Variants in CDCP1 observed in about 807,000 individuals in gnomAD.
CDCP1 encodes CUB domain-containing protein 1.
Under a neutral mutation model 60.2 loss-of-function variants are expected in CDCP1, and 29 were observed. The ratio of observed to expected loss-of-function variants is 0.48; its 90% CI spans 0.36 to 0.66. The LOEUF is 0.66. Ranked by LOEUF, CDCP1 falls within the 30% of genes least tolerant of loss-of-function variation. CDCP1 has a pLI of 0.00. For missense variants in CDCP1, 876 were observed against 1,074.3 expected (o/e 0.82, Z 2.58); for synonymous variants, 387 against 431.1 (o/e 0.90, Z 1.27).
rs370402641 is a variant in CDCP1 at position 45,118,582 on chromosome 3, G to A, written c.122C>T (p.Thr41Ile). ...EIALPRESNI[T>I]VLIKLGTPTL... ...CGGGGTCCCCAGCTTTATGAGAACT[G>A]TAATGTTGCTTTCTCGTGGCAGAGC... Residue 41 changes from threonine (T) to isoleucine (I), a missense_variant, in exon 2 of 9, where the codon ACA becomes ATA. This residue lies in a region of CDCP1 where 150 missense variants were observed against 138.6 expected (regional missense o/e 1.08). Coordinates refer to ENST00000296129, the MANE Select transcript of CDCP1 (RefSeq NM_022842.5). The A allele has an allele frequency of 2.5e-6, 4 of 1,613,932 alleles. No homozygotes were observed. Among genetic ancestry groups the A allele is most frequent in the Non-Finnish European group, 3.4e-6 (4 of 1,180,034 alleles).
chr3:45,091,140 A>T lies in CDCP1; in HGVS notation c.1993+33T>A, dbSNP rs778770674. The T allele has an allele frequency of 5.7e-6, 9 of 1,578,516 alleles. No individual in the cohort carries two copies. The highest frequency in any genetic ancestry group is 5.3e-5 in the Admixed American group (3 of 56,204). ...TCCTCCAGCTGACAATTTTTTGTTC[A>T]TCACTGTCCCCAAAGACCCTGAAGG... On this transcript the variant is annotated intron_variant, in intron 7 of 8. Coordinates refer to ENST00000296129, the MANE Select transcript of CDCP1 (RefSeq NM_022842.5). This position sits in a 1 kb window ranked among gnomAD's most constrained non-coding sequence, Gnocchi z 4.8.
Position 45,091,638 on chromosome 3 carries a change from C to A in CDCP1, c.1628-100G>T, listed in dbSNP as rs1432392049. 7.2e-7 allele frequency: 1 copy of A among 1,385,510 alleles called. No individual in the cohort carries two copies. The highest frequency in any genetic ancestry group is 9.5e-7 in the Non-Finnish European group (1 of 1,048,308). The allele number at this position is 1,385,510 out of a possible 1,614,324, so 85.8% of individuals were successfully genotyped here. On this transcript the variant is annotated intron_variant, in intron 6 of 8. Coordinates refer to ENST00000296129, the MANE Select transcript of CDCP1 (RefSeq NM_022842.5). This position sits in a 1 kb window ranked among gnomAD's most constrained non-coding sequence, Gnocchi z 4.8. ...GACGAAGTCCAACTGTCCAGACCAGCGCTGTCTAACCGAACTTTCTGCGAT... is the reference window on the plus strand; with the variant it reads ...GACGAAGTCCAACTGTCCAGACCAGAGCTGTCTAACCGAACTTTCTGCGAT...
intron 1 of CDCP1, among the ~76,000 whole-genome samples, chr3:45,138,801 G>T (rs1243931741): frequency 4.6e-5 from 7 of 152,048 alleles, no homozygotes; most frequent in Non-Finnish European, 8.8e-5. Flanking sequence ...AGCTGAGATT[G>T]TGCCATTGTA....
intron 8 of CDCP1, among the ~76,000 whole-genome samples, chr3:45,087,032 C>T (rs1453999821): frequency 6.6e-6 from 1 of 152,222 alleles, no homozygotes; most frequent in Non-Finnish European, 1.5e-5. Flanking sequence ...AGGATGGGTT[C>T]CTAAGGCTCC....
At chr3:45,105,937 G>A (rs1197633576) in intron 4 of CDCP1, among the ~76,000 whole-genome samples, 5 of 152,266 alleles carry the variant, frequency 3.3e-5, no homozygotes, top group Non-Finnish European at 2.9e-5. Flanking sequence ...TCAGACACCC[G>A]TGGTTTGCAC....
intron 1 of CDCP1, among the ~76,000 whole-genome samples, chr3:45,131,137 C>T (rs935919905): frequency 5.3e-5 from 8 of 151,504 alleles, no homozygotes; most frequent in African/African-American, 7.3e-5. Flanking sequence ...GCTGGGATGA[C>T]GGGTGCATGC....
At chr3:45,146,018 G>A (rs1699379091) in intron 1 of CDCP1, among the ~76,000 whole-genome samples, 188 bp downstream of exon 1, 1 of 151,940 alleles carries the variant, frequency 6.6e-6, no homozygotes, top group Admixed American at 6.5e-5. Flanking sequence ...CCGACGCGGC[G>A]CGCGCAGGAA....
At chr3:45,118,911 A>C (rs1698838275) in intron 1 of CDCP1, among the ~76,000 whole-genome samples, 1 of 152,262 alleles carries the variant, frequency 6.6e-6, no homozygotes, top group Admixed American at 6.5e-5. Flanking sequence ...GTATGCTGTT[A>C]GATATCCCAT....
At chr3:45,106,082 C>T (rs1698560117) in intron 4 of CDCP1, among the ~76,000 whole-genome samples, 1 of 152,166 alleles carries the variant, frequency 6.6e-6, no homozygotes, top group African/African-American at 2.4e-5. Context: ...AAAAATACTC[C>T]CTACAGGAGT....
At chr3:45,106,809 AGG>A (rs1208306619) in intron 4 of CDCP1, among the ~76,000 whole-genome samples, 2 of 152,118 alleles carry the variant, frequency 1.3e-5, no homozygotes, top group Non-Finnish European at 2.9e-5. Context: ...GAAGGGGTCG[AGG>A]GGGAAACTAG....
At chr3:45,140,179 T>C (rs762545019) in intron 1 of CDCP1, among the ~76,000 whole-genome samples, 2 of 152,202 alleles carry the variant, frequency 1.3e-5, no homozygotes, top group Non-Finnish European at 2.9e-5. Context: ...ACATGGCAGA[T>C]GCCAAGGAAG....
chr3:45,144,133 G>A (rs1297305846), intron 1 of CDCP1, among the ~76,000 whole-genome samples: 3 of 152,174 alleles, frequency 2.0e-5, no homozygotes, highest in South Asian at 2.1e-4. Flanking sequence ...AGTTGGTGGG[G>A]ATACCAAAGT....
intron 5 of CDCP1, among the ~76,000 whole-genome samples, chr3:45,094,415 T>C (rs1218766892): frequency 1.3e-5 from 2 of 151,922 alleles, no homozygotes; most frequent in African/African-American, 2.4e-5. Context: ...TTAGTAGAGA[T>C]GGGGTTTCGC....
At chr3:45,098,537 T>C (rs898865540) in intron 4 of CDCP1, among the ~76,000 whole-genome samples, 1 of 152,008 alleles carries the variant, frequency 6.6e-6, no homozygotes, top group Non-Finnish European at 1.5e-5. Context: ...TCAGGCACTG[T>C]CTATTGGCTT....
At chr3:45,123,683 A>G (rs531692930) in intron 1 of CDCP1, among the ~76,000 whole-genome samples, 2 of 152,362 alleles carry the variant, frequency 1.3e-5, no homozygotes, top group East Asian at 1.9e-4. Flanking sequence ...TTTCGCTGCA[A>G]TAAAAACAGT....
intron 1 of CDCP1, among the ~76,000 whole-genome samples, chr3:45,124,985 G>A (rs975223720): frequency 1.3e-5 from 2 of 152,152 alleles, no homozygotes; most frequent in African/African-American, 4.8e-5. Flanking sequence ...TAGGACACCA[G>A]GGAACTTCAA....
chr3:45,095,716 A>G lies in CDCP1; in HGVS notation c.1025-148T>C. The G allele has an allele frequency of 4.8e-6, 3 of 628,600 alleles. No homozygotes were observed. The Admixed American group carries it at 8.4e-5, about 18-fold the overall frequency. 38.9% of individuals were successfully genotyped at this position (628,600 alleles called of 1,614,324 possible). On this transcript the variant is annotated intron_variant, in intron 4 of 8. Coordinates refer to ENST00000296129, the MANE Select transcript of CDCP1 (RefSeq NM_022842.5). ...GTTGGGAAAACGTATTATTAAGGCA[A>G]CATTACAATAACTATAAAAGACAGT...
At chr3:45,112,055 A>G in intron 3 of CDCP1, 28 bp downstream of exon 3, 1 of 1,602,884 alleles carries the variant, frequency 6.2e-7, no homozygotes, top group Non-Finnish European at 8.5e-7. Flanking sequence ...TTTTAACCTA[A>G]TCAGATAGCA....
In CDCP1 at chr3:45,146,311, G is replaced by C. The variant is rs199968195; in HGVS notation, c.-24C>G. 1.6e-4 allele frequency: 244 copies of C among 1,546,510 alleles called. 1 individual carries two copies. The African/African-American group carries it at 3.2e-3, about 20-fold the overall frequency. On this transcript the variant is annotated 5_prime_UTR_variant, in exon 1 of 9. Transcript: ENST00000296129. ...ATGACTCCGGGACGCCTCGGCCTCG[G>C]TGGGGAAAACGACGGTGGGGAGCGG... is the stretch of plus-strand genomic sequence containing the variant.
Sources: allele counts gnomAD v4.1 joint callset (sites outside exome capture counted in the v4.1 genomes callset), GRCh38; gene constraint gnomAD v4.1.1; regional missense constraint gnomAD v4.1.1; non-coding constraint Gnocchi (gnomAD v3.1); transcripts MANE v1.5; gene names NCBI Gene and HGNC (gene_info 2026-07-23, HGNC 2026-07-21).